The following ADK variants were observed in gnomAD, a reference collection of about 807,000 sequenced individuals.
The protein encoded by ADK is N6,N6-dimethyladenosine kinase.
Under a neutral mutation model 44.7 loss-of-function variants are expected in ADK, and 24 were observed. That is an observed-to-expected ratio of 0.54 (90% CI 0.39 to 0.76). ADK has a LOEUF of 0.76. Ranked by LOEUF, ADK falls within the 30% of genes least tolerant of loss-of-function variation. The probability of loss-of-function intolerance (pLI) is 0.00; values close to 1 mark genes in which losing one functional copy is unlikely to be tolerated. For missense variants in ADK, 321 were observed against 425.1 expected, an observed-to-expected ratio of 0.76 and a Z score of 2.15; for synonymous variants, 128 against 142.6, an observed-to-expected ratio of 0.90 and a Z score of 0.73.
intron 6 of ADK, among the ~76,000 whole-genome samples, chr10:74,414,432 T>G (rs977724977): frequency 6.6e-6 from 1 of 152,188 alleles, no homozygotes; most frequent in African/African-American, 2.4e-5. Context: ...TGGATAAATT[T>G]TCAAACAAGA....
At chr10:74,351,239 C>T (rs980505127) in intron 4 of ADK, among the ~76,000 whole-genome samples, 2 of 151,494 alleles carry the variant, frequency 1.3e-5, no homozygotes, top group African/African-American at 4.8e-5. Context: ...ACAATCAAGT[C>T]GGCTTGACAT....
chr10:74,194,583 T>G (rs1843056844), intron 1 of ADK, among the ~76,000 whole-genome samples: 1 of 152,242 alleles, frequency 6.6e-6, no homozygotes, highest in East Asian at 1.9e-4. Context: ...TAGAATTGTT[T>G]AAAATAATAT....
chr10:74,686,858 A>G (rs920114082), intron 10 of ADK, among the ~76,000 whole-genome samples: 1 of 151,768 alleles, frequency 6.6e-6, no homozygotes, highest in Non-Finnish European at 1.5e-5. Context: ...TTTGTATTTT[A>G]GTAGAGACAG....
chr10:74,469,801 T>C (rs1846495488), intron 6 of ADK, among the ~76,000 whole-genome samples: 3 of 152,186 alleles, frequency 2.0e-5, no homozygotes, highest in Non-Finnish European at 4.4e-5. Context: ...GCCCCCTTCA[T>C]ACAGCCCCAG....
At chr10:74,240,149 G>A (rs1845149308) in intron 3 of ADK, among the ~76,000 whole-genome samples, 1 of 151,866 alleles carries the variant, frequency 6.6e-6, no homozygotes, top group African/African-American at 2.4e-5. Context: ...CAAGTAGCTG[G>A]GATTACAGGT....
chr10:74,627,701 C>A (rs567748542), intron 9 of ADK, among the ~76,000 whole-genome samples: 1 of 151,996 alleles, frequency 6.6e-6, no homozygotes, highest in African/African-American at 2.4e-5. Context: ...GGCACGATCT[C>A]GGCTCACTGC....
chr10:74,619,012 T>TTG (rs56168944), intron 9 of ADK, among the ~76,000 whole-genome samples: 12,490 of 139,278 alleles, frequency 0.09, 555 homozygotes, highest in Admixed American at 0.13. Flanking sequence ...TTTATGCTCT[T>TTG]TGTGTGTGTG....
Position 74,241,212 on chromosome 10 carries a change from T to C in ADK, c.194+16621T>C, listed in dbSNP as rs112330752. Among the ~76,000 whole-genome samples the C allele has an allele frequency of 6.6e-5, 10 of 152,314 alleles. 1 individual carries two copies. Among genetic ancestry groups the C allele is most frequent in the African/African-American group, 2.4e-4 (10 of 41,568 alleles). The stretch of plus-strand genomic sequence containing the variant: ...TATTTTAAACTTTTTCTTAGTAAAG[T>C]TTACTTTTTAGAGCTGTTTTAGGTT... On this transcript the variant is annotated intron_variant, in intron 3 of 10. Transcript: ENST00000539909.
intron 1 of ADK, chr10:74,176,877 C>G: frequency 2.5e-6 from 4 of 1,609,920 alleles, no homozygotes; most frequent in Non-Finnish European, 3.4e-6. Context: ...GAAGCCATGA[C>G]GTCAGTCAGG....
chr10:74,213,831 G>A (rs1843918934), intron 2 of ADK, among the ~76,000 whole-genome samples: 1 of 152,182 alleles, frequency 6.6e-6, no homozygotes, highest in African/African-American at 2.4e-5. Context: ...GCAAATAAAT[G>A]GGAGGTTGAT....
chr10:74,177,312 C>T (rs1842379260), intron 1 of ADK, among the ~76,000 whole-genome samples: 1 of 152,110 alleles, frequency 6.6e-6, no homozygotes, highest in Admixed American at 6.5e-5. Context: ...CAAAGTTGGC[C>T]CTTCTCTGAT....
In ADK at chr10:74,311,441, C is replaced by G. The variant is rs186369128; in HGVS notation, c.195-3226C>G. The stretch of plus-strand genomic sequence containing the variant: ...GGATTTCTCAGGCCAAAATTCAGAA[C>G]AAGGCTAAATTTGCCCATTTCCACC... On this transcript the variant is annotated intron_variant, in intron 3 of 10. Coordinates refer to ENST00000539909, the MANE Select transcript of ADK (RefSeq NM_006721.4). Among the ~76,000 whole-genome samples the G allele has an allele frequency of 3.0e-3, 463 of 152,252 alleles. 6 individuals are homozygous for G. The highest frequency in any genetic ancestry group is 0.018 in the East Asian group (93 of 5,192).
chr10:74,477,311 C>T (rs755757170), intron 6 of ADK, among the ~76,000 whole-genome samples: 11 of 152,092 alleles, frequency 7.2e-5, no homozygotes, highest in African/African-American at 9.7e-5. Context: ...CACAAGCGAT[C>T]CTCCCACCTC....
chr10:74,428,921 A>G (rs1390275972), intron 6 of ADK, among the ~76,000 whole-genome samples: 2 of 152,220 alleles, frequency 1.3e-5, no homozygotes, highest in Non-Finnish European at 2.9e-5. Context: ...AACATCATCT[A>G]TGCAGTTTCT....
intron 3 of ADK, among the ~76,000 whole-genome samples, chr10:74,284,103 CG>C (rs1564632585): frequency 1.3e-5 from 2 of 152,068 alleles, no homozygotes; most frequent in Non-Finnish European, 2.9e-5. Flanking sequence ...GCATTACAGG[CG>C]TGTGCCACCA....
chr10:74,513,218 ATG>A (rs1848417171), intron 6 of ADK, among the ~76,000 whole-genome samples: 1 of 152,164 alleles, frequency 6.6e-6, no homozygotes, highest in Admixed American at 6.5e-5. Context: ...GATGAAAAGA[ATG>A]TGTATTCTGC....
chr10:74,586,114 T>C (rs1018252962), intron 7 of ADK, among the ~76,000 whole-genome samples: 6 of 152,196 alleles, frequency 3.9e-5, no homozygotes, highest in African/African-American at 1.4e-4. Flanking sequence ...TTTGTTTTGC[T>C]GACAGGGAAA....
At chr10:74,213,332 G>A (rs953364955) in intron 2 of ADK, among the ~76,000 whole-genome samples, 1 of 152,116 alleles carries the variant, frequency 6.6e-6, no homozygotes, top group African/African-American at 2.4e-5. Context: ...GGCTGGTCTT[G>A]GAATCCTCTG....
chr10:74,334,011 TAA>T (rs1287161807), intron 4 of ADK, among the ~76,000 whole-genome samples: 1 of 152,158 alleles, frequency 6.6e-6, no homozygotes, highest in Non-Finnish European at 1.5e-5. Flanking sequence ...ATTTTAAAAT[TAA>T]GTTATAATTT....
Sources: allele counts gnomAD v4.1 joint callset (sites outside exome capture counted in the v4.1 genomes callset), GRCh38; gene constraint gnomAD v4.1.1; transcripts MANE v1.5; gene names NCBI Gene and HGNC (gene_info 2026-07-23, HGNC 2026-07-21).